PHLDB2: variants seen among roughly 807,000 people sequenced by gnomAD.
PHLDB2 encodes pleckstrin homology-like domain family B member 2.
Under a neutral mutation model 123.6 loss-of-function variants are expected in PHLDB2, and 71 were observed. That is an observed-to-expected ratio of 0.57 (90% confidence interval 0.47 to 0.70). The LOEUF (loss-of-function observed/expected upper bound fraction) is 0.70, where lower values mean the gene tolerates loss of function less well. Ranked by LOEUF, PHLDB2 falls within the 30% of genes least tolerant of loss-of-function variation. PHLDB2 has a pLI of 0.00. For synonymous variants in PHLDB2, 547 were observed against 541.6 expected (o/e 1.01, Z -0.14); for missense variants, 1,446 against 1,519.5 (o/e 0.95, Z 0.80).
chr3:111,811,003 C>G (rs558748667), intron 1 of PHLDB2, among the ~76,000 whole-genome samples: 1 of 152,122 alleles, frequency 6.6e-6, no homozygotes, highest in Admixed American at 6.5e-5. Context: ...GGCCCAGATA[C>G]ATGCTCCATG....
intron 13 of PHLDB2, among the ~76,000 whole-genome samples, chr3:111,966,175 A>C (rs2071738145): frequency 6.6e-6 from 1 of 152,196 alleles, no homozygotes; most frequent in Admixed American, 6.5e-5. Flanking sequence ...GGTGTCATTT[A>C]TATAGAACGT....
chr3:111,949,664 A>T, intron 10 of PHLDB2: 1 of 912,174 alleles, frequency 1.1e-6, no homozygotes, highest in Non-Finnish European at 1.3e-6. Context: ...CTTTCATTTC[A>T]TGTGGACACA....
At chr3:111,920,899 C>A (rs2068460972) in intron 5 of PHLDB2, among the ~76,000 whole-genome samples, 1 of 152,200 alleles carries the variant, frequency 6.6e-6, no homozygotes, top group South Asian at 2.1e-4. Context: ...ACCTGCTTTG[C>A]CTTGCTATTG....
intron 1 of PHLDB2, among the ~76,000 whole-genome samples, chr3:111,739,160 G>A (rs1287637874): frequency 1.3e-5 from 2 of 152,064 alleles, no homozygotes; most frequent in South Asian, 2.1e-4. Context: ...ATTTATCTAG[G>A]GAGATCATTC....
At chr3:111,917,476 C>A (rs1478420120) in intron 3 of PHLDB2, 2 of 152,162 alleles carry the variant, frequency 1.3e-5, no homozygotes, top group African/African-American at 4.8e-5. Flanking sequence ...GTGAGGCTTT[C>A]CTGCTAGGAT....
At chr3:111,960,396 G>A (rs1329781158) in intron 12 of PHLDB2, among the ~76,000 whole-genome samples, 4 of 152,058 alleles carry the variant, frequency 2.6e-5, no homozygotes, top group Admixed American at 1.3e-4. Flanking sequence ...ATTTATAATG[G>A]CAGATTATAT....
rs529835684 is a variant in PHLDB2 at position 111,890,513 on chromosome 3, G to A, written c.1335+5101G>A. 3.3e-5 allele frequency among the ~76,000 whole-genome samples: 5 copies of A among 152,250 alleles called. No homozygotes were observed. The East Asian group carries it at 5.8e-4, about 18-fold the overall frequency. On this transcript the variant is annotated intron_variant, in intron 2 of 17. Transcript: ENST00000431670. ...AAAGCATAATTTTCAAAAAGTAAAC[G>A]CAACTCTTATATAAATGAAGAATGA...
At chr3:111,962,843 C>T (rs905869018) in intron 13 of PHLDB2, among the ~76,000 whole-genome samples, 1 of 151,284 alleles carries the variant, frequency 6.6e-6, no homozygotes, top group Non-Finnish European at 1.5e-5. Context: ...GCAGGAGAAT[C>T]CCTTAAACCC....
At chr3:111,819,522 T>G (rs1055323204) in intron 1 of PHLDB2, among the ~76,000 whole-genome samples, 1 of 152,182 alleles carries the variant, frequency 6.6e-6, no homozygotes, top group Non-Finnish European at 1.5e-5. Context: ...TGGGGGACAA[T>G]GAGTACAGGA....
intron 8 of PHLDB2, among the ~76,000 whole-genome samples, chr3:111,942,525 C>A (rs1485862612): frequency 6.6e-6 from 1 of 152,178 alleles, no homozygotes; most frequent in Non-Finnish European, 1.5e-5. Context: ...AACAAGGGAG[C>A]ATCCCGCCTT....
chr3:111,844,907 G>C (rs937556), intron 1 of PHLDB2, among the ~76,000 whole-genome samples: 149,436 of 152,290 alleles, frequency 0.98, 73,387 homozygotes, highest in East Asian at 1. Flanking sequence ...CAAATGGGAG[G>C]CCTTACTTAC....
intron 11 of PHLDB2, among the ~76,000 whole-genome samples, chr3:111,953,520 G>T (rs768685909): frequency 6.6e-6 from 1 of 152,152 alleles, no homozygotes; most frequent in African/African-American, 2.4e-5. Flanking sequence ...TCAACCCACC[G>T]CATAACAGGG....
chr3:111,952,848 C>G (rs1012099299), intron 11 of PHLDB2, 136 bp downstream of exon 11: 1 of 1,073,186 alleles, frequency 9.3e-7, no homozygotes, highest in Admixed American at 2.9e-5. Flanking sequence ...GACATCAGGA[C>G]TAAATCTCAT....
rs539353071 is a variant in PHLDB2, at chr3:111,805,600, A to G, written c.-48-40221A>G. Among the ~76,000 whole-genome samples the G allele has an allele frequency of 2.2e-4, 33 of 149,926 alleles. 4 individuals carry two copies. The highest frequency in any genetic ancestry group is 7.6e-4 in the African/African-American group (31 of 40,534). ...AAAATTACTGGATAAATGCAACAAC[A>G]TGGATGGGTCTCATAAACAGCAAGC... On this transcript the variant is annotated intron_variant, in intron 1 of 17. Coordinates refer to the PHLDB2 transcript ENST00000393923.
Position 111,974,464 on chromosome 3 carries a change from C to G in PHLDB2, c.3663C>G (p.Asp1221Glu), listed in dbSNP as rs1323979926. 6.2e-7 allele frequency: 1 copy of G among 1,613,030 alleles called. No homozygotes were observed. Reference sequence around the variant, plus strand: ...TCACCTTTAGCGTCAAGACTCATGACAGAATCTATTATATGGTAGCCCCAT... The same window carrying G: ...TCACCTTTAGCGTCAAGACTCATGAGAGAATCTATTATATGGTAGCCCCAT... ...PLLTFSVKTH[D>E]RIYYMVAPSP... The change falls in exon 18 of 18, where the codon GAC becomes GAG. Residue 1221 changes from aspartate to glutamate, a missense_variant. This residue lies in a region of PHLDB2 where 594 missense variants were observed against 646.0 expected (regional missense o/e 0.92). Transcript: ENST00000431670.
chr3:111,861,079 C>T (rs957331739), intron 1 of PHLDB2, among the ~76,000 whole-genome samples: 1 of 152,190 alleles, frequency 6.6e-6, no homozygotes, highest in African/African-American at 2.4e-5. Flanking sequence ...GAAGGTTAAA[C>T]TTTTGCCCTG....
chr3:111,865,621 C>G (rs1183927533), intron 1 of PHLDB2, among the ~76,000 whole-genome samples: 1 of 152,112 alleles, frequency 6.6e-6, no homozygotes, highest in East Asian at 1.9e-4. Context: ...TGCTCCAGAT[C>G]TTAGTTCTGT....
intron 1 of PHLDB2, among the ~76,000 whole-genome samples, chr3:111,816,005 G>T (rs748889294): frequency 1.3e-5 from 2 of 152,226 alleles, no homozygotes; most frequent in African/African-American, 2.4e-5. Flanking sequence ...GAGGGTGTAA[G>T]CCCCAAGCCT....
intron 1 of PHLDB2, among the ~76,000 whole-genome samples, chr3:111,791,721 G>T (rs2060936324): frequency 6.6e-6 from 1 of 151,828 alleles, no homozygotes; most frequent in African/African-American, 2.4e-5. Flanking sequence ...ATATTTATGG[G>T]GTACATGTGA....
Sources: allele counts gnomAD v4.1 joint callset (sites outside exome capture counted in the v4.1 genomes callset), GRCh38; gene constraint gnomAD v4.1.1; regional missense constraint gnomAD v4.1.1; transcripts MANE v1.5; gene names NCBI Gene and HGNC (gene_info 2026-07-23, HGNC 2026-07-21).